The following PHKA2 variants were observed in gnomAD, a reference collection of about 807,000 sequenced individuals.
PHKA2 encodes the protein phosphorylase b kinase regulatory subunit alpha, liver isoform.
Under a neutral mutation model 102.0 loss-of-function variants are expected in PHKA2, and 31 were observed. The observed-to-expected ratio is 0.30, with a 90% CI of 0.23 to 0.41. PHKA2 has a LOEUF of 0.41. PHKA2 is among the 10% of genes least tolerant of loss of function. The pLI is 1.00. For synonymous variants in PHKA2, 455 were observed against 416.2 expected, an observed-to-expected ratio of 1.09 and a Z score of -1.13; for missense variants, 858 against 1,023.1, an observed-to-expected ratio of 0.84 and a Z score of 2.20.
chrX:18,897,507 G>C, intron 29 of PHKA2, 174 bp from the exon 30 acceptor site: 1 of 464,715 alleles, frequency 2.2e-6, no homozygotes, highest in East Asian at 3.7e-5. Context: ...GAGATGACTC[G>C]CATACTTTGG....
chrX:18,948,248 A>G (rs1000346911), intron 5 of PHKA2, among the ~76,000 whole-genome samples: 40 of 112,230 alleles, frequency 3.6e-4, no homozygotes, highest in African/African-American at 1.3e-3. Flanking sequence ...CCGAGGCAGG[A>G]GGATCACCTG....
At chrX:18,916,167 C>T (rs972329053) in intron 19 of PHKA2, among the ~76,000 whole-genome samples, 2 of 112,350 alleles carry the variant, frequency 1.8e-5, no homozygotes, top group African/African-American at 6.5e-5. Context: ...GTAATCCCAG[C>T]ACTTTGGGAG....
chrX:18,895,429 A>C, intron 30 of PHKA2: 1 of 429,825 alleles, frequency 2.3e-6, no homozygotes, highest in Non-Finnish European at 4.1e-6. Context: ...TCCCCCGAAC[A>C]ATGCCCTAGG....
intron 5 of PHKA2, among the ~76,000 whole-genome samples, 167 bp downstream of exon 5, chrX:18,948,577 C>G (rs17313455): frequency 0.018 from 2,054 of 112,546 alleles, 26 homozygotes; most frequent in Non-Finnish European, 0.03. Context: ...CAACTCTATT[C>G]CAGGACAAAA....
At position 18,923,318 on chromosome X, in the gene PHKA2, G is replaced by C. The variant is rs371486374; in HGVS notation, c.1793+738C>G. 9.9e-5 allele frequency among the ~76,000 whole-genome samples: 11 copies of C among 111,374 alleles called. No homozygotes were observed. In the East Asian group the frequency reaches 1.4e-3, roughly 14 times the overall value. ...AGCCTCCCAAAGTGCTGGGATTATA[G>C]TGTGAGCCACCGTGCCTGGTCCACA... On this transcript the variant is annotated intron_variant, in intron 17 of 32. Coordinates refer to ENST00000379942, the MANE Select transcript of PHKA2 (RefSeq NM_000292.3).
chrX:18,951,054 T>C, intron 4 of PHKA2, 50 bp downstream of exon 4: 1 of 1,174,711 alleles, frequency 8.5e-7, no homozygotes, highest in Non-Finnish European at 1.2e-6. Flanking sequence ...TCCCACCCCT[T>C]TTCCGGATTG....
chrX:18,969,009 T>C (rs1237373653), intron 1 of PHKA2, among the ~76,000 whole-genome samples: 1 of 110,593 alleles, frequency 9.0e-6, no homozygotes, highest in African/African-American at 3.3e-5. Context: ...TCCAGCTACT[T>C]GGGAGGCTGA....
chrX:18,965,778 T>G (rs969845997), intron 1 of PHKA2, among the ~76,000 whole-genome samples: 22 of 111,952 alleles, frequency 2.0e-4, no homozygotes, highest in Non-Finnish European at 3.9e-4. Context: ...ATGTTCTCCC[T>G]ACCCATTGTG....
At chrX:18,946,044 C>T (rs1015587285) in intron 5 of PHKA2, among the ~76,000 whole-genome samples, 4 of 110,303 alleles carry the variant, frequency 3.6e-5, no homozygotes, top group African/African-American at 1.3e-4. Context: ...TCTCCTGCCT[C>T]AGCCTCCCGA....
intron 5 of PHKA2, among the ~76,000 whole-genome samples, chrX:18,947,582 G>A (rs1342018529): frequency 1.8e-5 from 2 of 112,170 alleles, no homozygotes; most frequent in Non-Finnish European, 3.8e-5. Flanking sequence ...GCATCCCGTA[G>A]GACATGTTAG....
chrX:18,894,194 G>A lies in PHKA2; in HGVS notation c.3537+10C>T. The A allele has an allele frequency of 8.3e-7, 1 of 1,206,275 alleles. No individual in the cohort carries two copies. Among genetic ancestry groups the A allele is most frequent in the South Asian group, 1.8e-5 (1 of 56,834 alleles). ...AAATGCCAGCCAACCCAGCTCCCTGGCACCCCCACCTGGTCCTGCAAGAAC... is the reference window on the plus strand; with the variant it reads ...AAATGCCAGCCAACCCAGCTCCCTGACACCCCCACCTGGTCCTGCAAGAAC... On this transcript the variant is annotated intron_variant, in intron 32 of 32. Coordinates refer to ENST00000379942, the MANE Select transcript of PHKA2 (RefSeq NM_000292.3).
chrX:18,915,657 C>T (rs2048008225), intron 19 of PHKA2: 1 of 107,877 alleles, frequency 9.3e-6, no homozygotes, highest in South Asian at 4.1e-4. Context: ...GGATTATAGG[C>T]ATCAGCCACT....
chrX:18,930,207 G>A (rs1056355735), intron 12 of PHKA2, among the ~76,000 whole-genome samples: 1 of 111,851 alleles, frequency 8.9e-6, no homozygotes, highest in African/African-American at 3.3e-5. Context: ...TCATGTCAGT[G>A]ATTTTTCATC....
chrX:18,921,755 T>G (rs1411674783), intron 17 of PHKA2, among the ~76,000 whole-genome samples: 1 of 110,933 alleles, frequency 9.0e-6, no homozygotes, highest in Non-Finnish European at 1.9e-5. Flanking sequence ...GAGGCCGGGT[T>G]CTGGGTTCAC....
At chrX:18,920,943 G>A (rs2048106949) in intron 17 of PHKA2, among the ~76,000 whole-genome samples, 1 of 112,266 alleles carries the variant, frequency 8.9e-6, no homozygotes, top group Non-Finnish European at 1.9e-5. Context: ...GGATTTAGTT[G>A]AAAAGGCTGA....
rs574173871 is a variant in PHKA2, at chrX:18,894,834, A to C, written c.3336+304T>G. Reference sequence around the variant, plus strand: ...GGGCCGAGAAGGCTGCCCATGGGGCAGGCCAGGGTGGCATGGAGATTGGCT... The same window carrying C: ...GGGCCGAGAAGGCTGCCCATGGGGCCGGCCAGGGTGGCATGGAGATTGGCT... On this transcript the variant is annotated intron_variant, in intron 31 of 32. Transcript: ENST00000379942. 4 of 407,875 alleles carry C rather than the reference A, an allele frequency of 9.8e-6. No homozygotes were observed. The South Asian group carries it at 1.5e-4, about 16-fold the overall frequency. 33.6% of individuals were successfully genotyped at this position (407,875 alleles called of 1,213,427 possible).
At chrX:18,935,908 GC>G (rs1267844510) in intron 11 of PHKA2, 146 bp downstream of exon 11, 1 of 496,988 alleles carries the variant, frequency 2.0e-6, no homozygotes, top group African/African-American at 2.4e-5. Context: ...GAGCCACCGC[GC>G]CCAGCCTACC....
Position 18,954,424 on chromosome X carries a change from G to C in PHKA2, c.79-12C>G. The C allele has an allele frequency of 8.3e-7, 1 of 1,208,371 alleles. No homozygotes were observed. The highest frequency in any genetic ancestry group is 1.7e-5 in the African/African-American group (1 of 57,699). The stretch of plus-strand genomic sequence containing the variant: ...CCCGTGACGGGATTCTATTAGAGAA[G>C]AGACACAAAATGGCTCAGTGCCATC... On this transcript the variant is annotated splice_polypyrimidine_tract_variant and intron_variant, in intron 1 of 32. Transcript: ENST00000379942.
At position 18,957,329 on chromosome X, in the gene PHKA2, G is replaced by T. The variant is rs1214668460; in HGVS notation, c.79-2917C>A. Among the ~76,000 whole-genome samples, 5 of 112,066 alleles carry T rather than the reference G, an allele frequency of 4.5e-5. No individual in the cohort carries two copies. The East Asian group carries it at 1.4e-3, about 31-fold the overall frequency. ...TGATGCTTATGAACCACCTGAACAGGTCCATCTCTTTGGAGCTCTGGAGTC... is the reference window on the plus strand; with the variant it reads ...TGATGCTTATGAACCACCTGAACAGTTCCATCTCTTTGGAGCTCTGGAGTC... On this transcript the variant is annotated intron_variant, in intron 1 of 32. Transcript: ENST00000379942.
Sources: allele counts gnomAD v4.1 joint callset (sites outside exome capture counted in the v4.1 genomes callset), GRCh38; gene constraint gnomAD v4.1.1; transcripts MANE v1.5; gene names NCBI Gene and HGNC (gene_info 2026-07-23, HGNC 2026-07-21).